SETBP1: variants seen among roughly 807,000 people sequenced by gnomAD.
SETBP1 encodes SET binding protein 1.
SETBP1 carries 9 observed loss-of-function variants against 101.0 expected under a neutral mutation model. The ratio of observed to expected loss-of-function variants is 0.09; its 90% CI spans 0.05 to 0.16. The LOEUF is 0.16. Ranked by LOEUF, SETBP1 falls within the 10% of genes least tolerant of loss-of-function variation. SETBP1 has a pLI of 1.00. For missense variants in SETBP1, 1,858 were observed against 2,033.8 expected, an observed-to-expected ratio of 0.91 and a Z score of 1.66; for synonymous variants, 818 against 788.5, an observed-to-expected ratio of 1.04 and a Z score of -0.63.
chr18:44,747,571 T>C (rs1357253630), intron 2 of SETBP1, among the ~76,000 whole-genome samples: 1 of 152,244 alleles, frequency 6.6e-6, no homozygotes, highest in Non-Finnish European at 1.5e-5. Context: ...CTGCTCCACA[T>C]TGTTGTGCAT....
intron 3 of SETBP1, chr18:44,872,094 A>T (rs2069289653): frequency 6.6e-6 from 1 of 152,208 alleles, no homozygotes. Flanking sequence ...TCTTTGGGTT[A>T]CTGGAAATGA....
intron 2 of SETBP1, among the ~76,000 whole-genome samples, chr18:44,769,894 C>T (rs2070837053): frequency 6.6e-6 from 1 of 152,160 alleles, no homozygotes; most frequent in African/African-American, 2.4e-5. Context: ...CCATCTAGAC[C>T]ATGTACATGA....
intron 4 of SETBP1, among the ~76,000 whole-genome samples, chr18:44,970,536 G>A (rs1447006915): frequency 6.6e-6 from 1 of 151,866 alleles, no homozygotes; most frequent in African/African-American, 2.4e-5. Context: ...ATCACTGTTG[G>A]TATAATTACA....
At chr18:44,957,951 G>C (rs1181361840) in intron 4 of SETBP1, among the ~76,000 whole-genome samples, 1 of 152,148 alleles carries the variant, frequency 6.6e-6, no homozygotes, top group Non-Finnish European at 1.5e-5. Flanking sequence ...CTTGTGGGAG[G>C]AAATGAAAGA....
intron 4 of SETBP1, among the ~76,000 whole-genome samples, chr18:45,034,489 G>T (rs1030908499): frequency 6.6e-6 from 1 of 151,952 alleles, no homozygotes; most frequent in South Asian, 2.1e-4. Flanking sequence ...TTGAAAATGA[G>T]TGACTATTTC....
At chr18:44,760,226 T>A (rs1008929832) in intron 2 of SETBP1, among the ~76,000 whole-genome samples, 5 of 152,218 alleles carry the variant, frequency 3.3e-5, no homozygotes, top group African/African-American at 1.2e-4. Flanking sequence ...TCTCACTACT[T>A]CCTTGTTGAG....
At chr18:44,982,053 G>T (rs2072125695) in intron 4 of SETBP1, among the ~76,000 whole-genome samples, 1 of 152,192 alleles carries the variant, frequency 6.6e-6, no homozygotes, top group Non-Finnish European at 1.5e-5. Context: ...CGAAAGTTTG[G>T]GGAAGGTGGG....
intron 4 of SETBP1, among the ~76,000 whole-genome samples, chr18:45,019,942 G>A (rs1004824212): frequency 2.6e-5 from 4 of 152,082 alleles, no homozygotes; most frequent in African/African-American, 4.8e-5. Context: ...CTACCATAGA[G>A]ACTTGGGTTC....
Position 44,951,665 on chromosome 18 carries a change from T to C in SETBP1, c.2325T>C (p.Ala775=), listed in dbSNP as rs771919792. Residue 775 remains alanine (A), a synonymous_variant, in exon 4 of 6, where the codon GCT becomes GCC. Transcript: ENST00000649279. The surrounding 1 kb of genome is among the most constrained non-coding windows in gnomAD (Gnocchi z 7.8). ...FQSLVASSPA[A]MHPLSTQLGG... is the part of the protein sequence containing the mutation. ...CACTTGTGGCGTCTTCACCAGCAGCTATGCACCCACTTTCAACACAGTTAG... is the reference window on the plus strand; with the variant it reads ...CACTTGTGGCGTCTTCACCAGCAGCCATGCACCCACTTTCAACACAGTTAG... 6.2e-7 allele frequency: 1 copy of C among 1,614,154 alleles called. No individual in the cohort carries two copies.
chr18:44,901,008 A>G (rs989590894), intron 3 of SETBP1, among the ~76,000 whole-genome samples: 3 of 152,208 alleles, frequency 2.0e-5, no homozygotes, highest in African/African-American at 4.8e-5. Flanking sequence ...TTAATTTAAC[A>G]TGTGAATTCA....
chr18:44,963,082 C>A (rs549433670), intron 4 of SETBP1, among the ~76,000 whole-genome samples: 2 of 152,254 alleles, frequency 1.3e-5, no homozygotes, highest in Admixed American at 6.5e-5. Flanking sequence ...CGTGACCAAG[C>A]CATTTTTTGT....
intron 4 of SETBP1, among the ~76,000 whole-genome samples, chr18:45,036,499 C>T (rs990185794): frequency 1.3e-5 from 2 of 152,134 alleles, no homozygotes; most frequent in Non-Finnish European, 2.9e-5. Flanking sequence ...GATGAGCACA[C>T]CTGCAAATTT....
intron 2 of SETBP1, among the ~76,000 whole-genome samples, chr18:44,718,730 A>G (rs2069520278): frequency 6.6e-6 from 1 of 152,096 alleles, no homozygotes; most frequent in African/African-American, 2.4e-5. Context: ...TGCAGACAGA[A>G]AGCTGTCTGT....
At chr18:44,749,423 A>G (rs1479270184) in intron 2 of SETBP1, among the ~76,000 whole-genome samples, 2 of 152,206 alleles carry the variant, frequency 1.3e-5, no homozygotes, top group Non-Finnish European at 2.9e-5. Flanking sequence ...GACACACTCA[A>G]GTCTGGCTGC....
rs370390208 is a variant in SETBP1, at chr18:44,761,874, A to C, written c.486+60042A>C. Among the ~76,000 whole-genome samples the C allele has an allele frequency of 3.6e-4, 55 of 152,272 alleles. No homozygotes were observed. In the East Asian group the frequency reaches 4.8e-3, roughly 13 times the overall value. On this transcript the variant is annotated intron_variant, in intron 2 of 5. Transcript: ENST00000649279. ...AGGAGAAATCAGTTGCCTTGTTTAT[A>C]GGTTTTTTGATGTCCGAGCCAGGGC...
chr18:44,796,675 A>G (rs1312710824), intron 2 of SETBP1, among the ~76,000 whole-genome samples: 1 of 152,204 alleles, frequency 6.6e-6, no homozygotes, highest in Non-Finnish European at 1.5e-5. Context: ...GTCAGCAGCA[A>G]TCCCTGCACA....
At position 45,018,507 on chromosome 18, in the gene SETBP1, A is replaced by G. The variant is rs116437474; in HGVS notation, c.4001-19978A>G. On this transcript the variant is annotated intron_variant, in intron 4 of 5. Transcript: ENST00000649279. The stretch of plus-strand genomic sequence containing the variant: ...TGGAAACATATGAGAAGTATATGAC[A>G]TTGTCTCTTTCCTCAACTTACTAAT... 9.6e-3 allele frequency among the ~76,000 whole-genome samples: 1,463 copies of G among 152,306 alleles called. 21 individuals carry two copies. Among genetic ancestry groups the G allele is most frequent in the African/African-American group, 0.033 (1,364 of 41,570 alleles).
In SETBP1 at chr18:44,723,499, G is replaced by A. The variant is rs555224413; in HGVS notation, c.486+21667G>A. 7.2e-5 allele frequency among the ~76,000 whole-genome samples: 11 copies of A among 152,254 alleles called. No homozygotes were observed. In the East Asian group the frequency reaches 1.2e-3, roughly 16 times the overall value. ...GATCACATGGCAATCAGCGACAGTC[G>A]GCGGGGGGAAAAAAAACAACACCCT... On this transcript the variant is annotated intron_variant, in intron 2 of 5. Coordinates refer to ENST00000649279, the MANE Select transcript of SETBP1 (RefSeq NM_015559.3).
chr18:45,029,741 G>T (rs2073249639), intron 4 of SETBP1, among the ~76,000 whole-genome samples: 1 of 152,124 alleles, frequency 6.6e-6, no homozygotes, highest in Non-Finnish European at 1.5e-5. Context: ...TTGTAAGTTG[G>T]ATTCCTAGGT....
Sources: allele counts gnomAD v4.1 joint callset (sites outside exome capture counted in the v4.1 genomes callset), GRCh38; gene constraint gnomAD v4.1.1; non-coding constraint Gnocchi (gnomAD v3.1); transcripts MANE v1.5; gene names NCBI Gene and HGNC (gene_info 2026-07-23, HGNC 2026-07-21).